PTPRD: variants seen among roughly 807,000 people sequenced by gnomAD.
PTPRD encodes protein tyrosine phosphatase receptor type D, also known as receptor-type tyrosine-protein phosphatase delta.
A neutral mutation model predicts 214.5 loss-of-function variants in PTPRD; 34 were observed. The observed-to-expected ratio is 0.16, with a 90% confidence interval of 0.12 to 0.21. PTPRD has a LOEUF of 0.21. Among genes scored for constraint, PTPRD ranks in the 10% least tolerant of loss-of-function variants. The pLI, the probability that PTPRD is intolerant of heterozygous loss-of-function variation, is 1.00. For missense variants in PTPRD, 2,545 were observed against 2,398.7 expected, an observed-to-expected ratio of 1.06 and a Z score of -1.27; for synonymous variants, 1,128 against 845.7, an observed-to-expected ratio of 1.33 and a Z score of -5.79.
intron 6 of PTPRD, among the ~76,000 whole-genome samples, chr9:9,756,584 T>A: frequency 6.6e-6 from 1 of 152,042 alleles, no homozygotes; most frequent in East Asian, 1.9e-4. Context: ...GTTGGAGGAA[T>A]GGGGAACAAC....
chr9:10,536,540 T>G (rs113639663), intron 2 of PTPRD, among the ~76,000 whole-genome samples: 5 of 152,312 alleles, frequency 3.3e-5, no homozygotes, highest in African/African-American at 7.2e-5. Flanking sequence ...GAATTGGATC[T>G]GTTTGCCTAA....
At chr9:10,241,808 C>G (rs1043024029) in intron 3 of PTPRD, among the ~76,000 whole-genome samples, 2 of 151,862 alleles carry the variant, frequency 1.3e-5, no homozygotes, top group Non-Finnish European at 2.9e-5. Flanking sequence ...ACATATCCAA[C>G]TGTACACTTT....
intron 2 of PTPRD, among the ~76,000 whole-genome samples, chr9:10,343,610 C>T (rs1164538449): frequency 6.6e-6 from 1 of 152,130 alleles, no homozygotes; most frequent in Non-Finnish European, 1.5e-5. Context: ...AAAAGTGTTT[C>T]TATTTCTCCA....
At chr9:9,085,922 G>A (rs1366257068) in intron 10 of PTPRD, among the ~76,000 whole-genome samples, 4 of 152,116 alleles carry the variant, frequency 2.6e-5, no homozygotes, top group Non-Finnish European at 5.9e-5. Flanking sequence ...ACCCTAAGCT[G>A]CTCACTTTTT....
At chr9:9,840,593 C>T (rs758770987) in intron 5 of PTPRD, among the ~76,000 whole-genome samples, 49 of 150,918 alleles carry the variant, frequency 3.2e-4, no homozygotes, top group Non-Finnish European at 5.6e-4. Context: ...AATAGTGAAT[C>T]GGAAAGAAAT....
rs1200796352 is a variant in PTPRD, at chr9:8,636,856, A to G, written c.65-12T>C. The stretch of plus-strand genomic sequence containing the variant: ...AAACCTTGGAGGTGCTGAAATAAAA[A>G]ATAAACATCACAGTTAAATTGAAAA... On this transcript the variant is annotated splice_polypyrimidine_tract_variant and intron_variant, in intron 12 of 45. Coordinates refer to ENST00000381196, the MANE Select transcript of PTPRD (RefSeq NM_002839.4). 3 of 1,609,956 alleles carry G rather than the reference A, an allele frequency of 1.9e-6. No homozygotes were observed. Among genetic ancestry groups the G allele is most frequent in the African/African-American group, 2.7e-5 (2 of 74,908 alleles).
At chr9:10,579,655 T>C (rs1200557962) in intron 2 of PTPRD, among the ~76,000 whole-genome samples, 2 of 152,188 alleles carry the variant, frequency 1.3e-5, no homozygotes, top group South Asian at 2.1e-4. Flanking sequence ...CTGGGTCAAA[T>C]AATAGTTCTA....
At chr9:9,612,707 T>G (rs1328206720) in intron 7 of PTPRD, among the ~76,000 whole-genome samples, 1 of 152,014 alleles carries the variant, frequency 6.6e-6, no homozygotes, top group Non-Finnish European at 1.5e-5. Context: ...AAAAACAAAT[T>G]TGAGAGCCAA....
chr9:10,459,349 C>T (rs766995757), intron 2 of PTPRD, among the ~76,000 whole-genome samples: 3 of 151,902 alleles, frequency 2.0e-5, no homozygotes, highest in South Asian at 2.1e-4. Flanking sequence ...TGAATTGTGC[C>T]GCAATAGACA....
chr9:10,509,948 T>G (rs1339406580), intron 2 of PTPRD, among the ~76,000 whole-genome samples: 1 of 152,066 alleles, frequency 6.6e-6, no homozygotes, highest in Non-Finnish European at 1.5e-5. Context: ...CGAGGTTCAC[T>G]CTAGTATTCC....
intron 2 of PTPRD, among the ~76,000 whole-genome samples, chr9:10,370,176 C>T (rs1253355589): frequency 6.6e-6 from 1 of 151,988 alleles, no homozygotes; most frequent in Non-Finnish European, 1.5e-5. Flanking sequence ...TGTTAAGTCA[C>T]ATATTTGAGA....
chr9:8,764,294 G>A (rs1218509177), intron 11 of PTPRD, among the ~76,000 whole-genome samples: 1 of 152,146 alleles, frequency 6.6e-6, no homozygotes, highest in African/African-American at 2.4e-5. Context: ...GCTATTGCAA[G>A]AGAGGAAAAC....
intron 4 of PTPRD, among the ~76,000 whole-genome samples, chr9:10,022,982 T>A (rs1178343228): frequency 2.6e-5 from 4 of 152,208 alleles, no homozygotes; most frequent in African/African-American, 9.6e-5. Flanking sequence ...AATGGAATTG[T>A]ATTTTGCCTC....
At chr9:10,161,949 TTAACA>T (rs763897778) in intron 3 of PTPRD, among the ~76,000 whole-genome samples, 25 of 151,704 alleles carry the variant, frequency 1.6e-4, no homozygotes, top group Non-Finnish European at 3.4e-4. Flanking sequence ...AAAAAAATGC[TTAACA>T]TCACTAATCA....
intron 9 of PTPRD, among the ~76,000 whole-genome samples, chr9:9,209,853 T>C (rs1403812938): frequency 1.3e-5 from 2 of 152,132 alleles, no homozygotes; most frequent in Non-Finnish European, 2.9e-5. Context: ...TGACAGAAGA[T>C]ATGAAACTCC....
chr9:9,026,038 T>C (rs1445942811), intron 10 of PTPRD, among the ~76,000 whole-genome samples: 1 of 151,872 alleles, frequency 6.6e-6, no homozygotes, highest in East Asian at 1.9e-4. Flanking sequence ...ATAATTTCAG[T>C]GAGAACTAAG....
At chr9:10,454,387 T>C (rs192627181) in intron 2 of PTPRD, among the ~76,000 whole-genome samples, 1,813 of 151,738 alleles carry the variant, frequency 0.012, 31 homozygotes, top group African/African-American at 0.039. Context: ...TCCAGGATCC[T>C]TGAGCCAAAT....
At chr9:10,235,062 G>A (rs530542876) in intron 3 of PTPRD, among the ~76,000 whole-genome samples, 30 of 151,698 alleles carry the variant, frequency 2.0e-4, no homozygotes, top group East Asian at 1.2e-3. Flanking sequence ...CTTATCTTTC[G>A]TATTAAGATC....
intron 8 of PTPRD, among the ~76,000 whole-genome samples, chr9:9,443,107 A>G (rs1015011260): frequency 2.0e-5 from 3 of 152,206 alleles, no homozygotes; most frequent in African/African-American, 7.2e-5. Flanking sequence ...AATTGAACCC[A>G]ATATAAAATG....
Sources: allele counts gnomAD v4.1 joint callset (sites outside exome capture counted in the v4.1 genomes callset), GRCh38; gene constraint gnomAD v4.1.1; transcripts MANE v1.5; gene names NCBI Gene and HGNC (gene_info 2026-07-23, HGNC 2026-07-21).